MFN1: variants seen among roughly 807,000 people sequenced by gnomAD.
MFN1 encodes the protein mitofusin-1.
A neutral mutation model predicts 92.4 loss-of-function variants in MFN1; 65 were observed. That is an observed-to-expected ratio of 0.70 (90% CI 0.58 to 0.86). MFN1 has a LOEUF of 0.86. MFN1 is among the 40% of genes least tolerant of loss of function. MFN1 has a pLI of 0.00. For synonymous variants in MFN1, 297 were observed against 300.9 expected (o/e 0.99, Z 0.13); for missense variants, 781 against 868.0 (o/e 0.90, Z 1.26).
chr3:179,385,513 A>C, intron 14 of MFN1, 56 bp from the exon 15 acceptor site: 2 of 1,483,642 alleles, frequency 1.3e-6, no homozygotes, highest in Non-Finnish European at 1.8e-6. Flanking sequence ...TTTTATAAAG[A>C]TAACTTTATA....
At position 179,394,739 on chromosome 3, in the gene MFN1, A is replaced by T. The variant is rs1401691091; in HGVS notation, c.*2680A>T. On this transcript the variant is annotated 3_prime_UTR_variant, in exon 18 of 18. Transcript: ENST00000471841. ...CGAAAGCCAACTCTTATGCCTAGAA[A>T]TATGTGCACCTATGACCAAGCCCAT... 6.6e-6 allele frequency: 1 copy of T among 152,218 alleles called. No individual in the cohort carries two copies. The highest frequency in any genetic ancestry group is 1.5e-5 in the Non-Finnish European group (1 of 68,082). The allele number at this position is 152,218 out of a possible 1,614,324, so 9.4% of individuals were successfully genotyped here. A position where few individuals can be genotyped will look rare whatever the true frequency, so the allele number is the denominator to read the frequency against.
chr3:179,371,501 T>A (rs750266665), intron 9 of MFN1, among the ~76,000 whole-genome samples: 8 of 152,180 alleles, frequency 5.3e-5, no homozygotes, highest in Non-Finnish European at 1.2e-4. Flanking sequence ...AGAGTGAGAC[T>A]CTCTTTTCTT....
chr3:179,386,772 A>G (rs1713702745), intron 16 of MFN1, 143 bp downstream of exon 16: 3 of 732,684 alleles, frequency 4.1e-6, no homozygotes, highest in Admixed American at 5.8e-5. Flanking sequence ...GAGAAAAAAT[A>G]GAACAATACT....
intron 3 of MFN1, among the ~76,000 whole-genome samples, chr3:179,356,146 T>G (rs1414987076): frequency 6.6e-6 from 1 of 151,996 alleles, no homozygotes; most frequent in East Asian, 1.9e-4. Flanking sequence ...TGCTAATGAG[T>G]GGTTTAGGGT....
intron 4 of MFN1, among the ~76,000 whole-genome samples, chr3:179,360,184 G>A (rs934032245): frequency 2.6e-5 from 4 of 152,230 alleles, no homozygotes; most frequent in African/African-American, 9.6e-5. Flanking sequence ...CCAAAGTGCT[G>A]AGATTACAGG....
chr3:179,364,617 G>A (rs1176383669), intron 6 of MFN1, among the ~76,000 whole-genome samples: 1 of 152,138 alleles, frequency 6.6e-6, no homozygotes, highest in Admixed American at 6.5e-5. Context: ...GCAGTATAGG[G>A]CTTGATGGTT....
intron 3 of MFN1, among the ~76,000 whole-genome samples, chr3:179,357,734 G>C (rs948620711): frequency 6.6e-6 from 1 of 152,116 alleles, no homozygotes; most frequent in African/African-American, 2.4e-5. Flanking sequence ...CTGCATAACA[G>C]ATTACCCAAA....
intron 9 of MFN1, among the ~76,000 whole-genome samples, chr3:179,372,848 C>G (rs1713080058): frequency 6.6e-6 from 1 of 151,860 alleles, no homozygotes; most frequent in South Asian, 2.1e-4. Context: ...TATAATTTTG[C>G]AGAAGTTAAT....
At position 179,392,262 on chromosome 3, in the gene MFN1, TAAAGA is replaced by T; in HGVS notation, c.*208_*212del. On this transcript the variant is annotated 3_prime_UTR_variant, in exon 18 of 18. Transcript: ENST00000471841. ...TTATGTCCTTAGTTTTAATTTTGAG[TAAAGA>T]AAAGGCTAAAATCATGAATTAGTTA... 1 of 392,172 alleles carries T rather than the reference TAAAGA, an allele frequency of 2.5e-6. No individual in the cohort carries two copies. The highest frequency in any genetic ancestry group is 4.6e-6 in the Non-Finnish European group (1 of 218,084). 24.3% of individuals were successfully genotyped at this position (392,172 alleles called of 1,614,324 possible).
chr3:179,369,846 T>C (rs1351409238), intron 9 of MFN1, among the ~76,000 whole-genome samples: 3 of 152,248 alleles, frequency 2.0e-5, no homozygotes, highest in African/African-American at 4.8e-5. Context: ...TTTATTCTAA[T>C]GGTCCATTTG....
At chr3:179,352,105 A>G (rs1281910974) in intron 3 of MFN1, 70 bp downstream of exon 3, 5 of 1,462,156 alleles carry the variant, frequency 3.4e-6, no homozygotes, top group Non-Finnish European at 4.6e-6. Context: ...TTCAACAAGT[A>G]ATATTTCTCC....
chr3:179,367,929 A>G (rs1577008135), intron 8 of MFN1, 107 bp from the exon 9 acceptor site: 1 of 526,504 alleles, frequency 1.9e-6, no homozygotes, highest in African/African-American at 2.2e-5. Context: ...GTCTCGGGGG[A>G]AAAAGTATAT....
rs768125427 is a variant in MFN1, at chr3:179,362,408, T to G, written c.462T>G (p.Ala154=). The G allele has an allele frequency of 1.7e-5, 27 of 1,613,496 alleles. No individual in the cohort carries two copies. The highest frequency in any genetic ancestry group is 2.3e-5 in the Non-Finnish European group (27 of 1,180,004). Residue 154 remains alanine, a synonymous_variant, in exon 5 of 18, where the codon GCT becomes GCG. Transcript: ENST00000471841. ...TTCACATGGACAAAGATTTGAAAGC[T>G]GGCTGTCTTGTACGTGTGTTTTGGC... The part of the protein sequence containing the change: ...HALHMDKDLK[A]GCLVRVFWPK...
intron 16 of MFN1, among the ~76,000 whole-genome samples, chr3:179,388,258 GC>G (rs1300974956): frequency 1.3e-5 from 2 of 152,172 alleles, no homozygotes. Flanking sequence ...GTCTAAGAAA[GC>G]TGAATGAATT....
At chr3:179,353,241 A>G (rs796506770) in intron 3 of MFN1, among the ~76,000 whole-genome samples, 2 of 85,986 alleles carry the variant, frequency 2.3e-5, no homozygotes, top group South Asian at 3.5e-4. Context: ...TTTTTTTTGT[A>G]TTTTAGTAGA....
At chr3:179,372,031 G>GTATA (rs1713039432) in intron 9 of MFN1, among the ~76,000 whole-genome samples, 2 of 145,962 alleles carry the variant, frequency 1.4e-5, no homozygotes, top group African/African-American at 5.0e-5. Flanking sequence ...TGCAAGACAT[G>GTATA]TATTATATAT....
chr3:179,386,764 G>GA (rs1713702445), intron 16 of MFN1, 135 bp downstream of exon 16: 1 of 773,112 alleles, frequency 1.3e-6, no homozygotes, highest in Admixed American at 2.9e-5. Context: ...CCATAAATGA[G>GA]AAAAAATAGA....
At chr3:179,351,430 A>G (rs1712142239) in intron 2 of MFN1, among the ~76,000 whole-genome samples, 1 of 152,196 alleles carries the variant, frequency 6.6e-6, no homozygotes, top group East Asian at 1.9e-4. Flanking sequence ...GGGGAAGCAG[A>G]TAGAACGTGG....
chr3:179,389,707 C>A (rs576631828), intron 16 of MFN1, among the ~76,000 whole-genome samples: 111 of 152,128 alleles, frequency 7.3e-4, no homozygotes, highest in Non-Finnish European at 1.3e-3. Context: ...TCTTACTTTG[C>A]GCAGGGCCCC....
Sources: gnomAD v4.1 joint callset for allele counts (sites outside exome capture counted in the v4.1 genomes callset) on GRCh38, gnomAD v4.1.1 for gene constraint, MANE v1.5 for transcripts, NCBI Gene and HGNC (gene_info 2026-07-23, HGNC 2026-07-21) for gene names.